Variants in TBPL1 observed in about 807,000 individuals in gnomAD.
TBPL1 encodes TATA box-binding protein-like 1.
Under a neutral mutation model 22.1 loss-of-function variants are expected in TBPL1, and 4 were observed. The ratio of observed to expected loss-of-function variants is 0.18; its 90% CI spans 0.09 to 0.41. The LOEUF is 0.41. Among genes scored for constraint, TBPL1 ranks in the 10% least tolerant of loss-of-function variants. The pLI is 1.00. For synonymous variants in TBPL1, 64 were observed against 71.0 expected (o/e 0.90, Z 0.50); for missense variants, 115 against 222.3 (o/e 0.52, Z 3.07).
intron 2 of TBPL1, among the ~76,000 whole-genome samples, 187 bp downstream of exon 2, chr6:133,980,447 G>C (rs1020398263): frequency 6.6e-6 from 1 of 152,126 alleles, no homozygotes; most frequent in East Asian, 1.9e-4. Context: ...TTTGTACATA[G>C]AGTGCTGGTA....
intron 1 of TBPL1, among the ~76,000 whole-genome samples, chr6:133,957,072 C>G (rs190793004): frequency 3.9e-5 from 6 of 152,200 alleles, no homozygotes; most frequent in African/African-American, 1.2e-4. Flanking sequence ...ATCAGAAATT[C>G]TACTTGTCTG....
chr6:133,961,414 A>G (rs929924323), intron 1 of TBPL1, among the ~76,000 whole-genome samples: 3 of 146,362 alleles, frequency 2.0e-5, no homozygotes, highest in African/African-American at 7.6e-5. Context: ...AGTGTTTCAT[A>G]TGGCTGGCTA....
Position 133,982,646 on chromosome 6 carries a change from A to G in TBPL1, c.214A>G (p.Thr72Ala). The G allele has an allele frequency of 6.2e-7, 1 of 1,612,958 alleles. No homozygotes were observed. The change falls in exon 3 of 7, where the codon ACA becomes GCA. Residue 72 changes from threonine (T) to alanine (A), a missense_variant. Transcript: ENST00000237264. Reference sequence around the variant, plus strand: ...AGGAAAAATTATTTGCACTGGAGCAACAAGGTAAATGCTACTTGGGTTTTT... The same window carrying G: ...AGGAAAAATTATTTGCACTGGAGCAGCAAGGTAAATGCTACTTGGGTTTTT... ...SSGKIICTGATSEEEAKFGAR... is the reference protein window; with the variant it reads ...SSGKIICTGAASEEEAKFGAR...
At chr6:133,979,653 G>GGTTT (rs1397462945) in intron 1 of TBPL1, among the ~76,000 whole-genome samples, 1 of 152,194 alleles carries the variant, frequency 6.6e-6, no homozygotes, top group African/African-American at 2.4e-5. Context: ...GACATGATTT[G>GGTTT]GTTTGTTTGT....
chr6:133,976,936 C>G (rs970687198), intron 1 of TBPL1, among the ~76,000 whole-genome samples: 1 of 150,560 alleles, frequency 6.6e-6, no homozygotes, highest in Non-Finnish European at 1.5e-5. Flanking sequence ...TCACAGCCCT[C>G]CAGCCTGGGC....
intron 1 of TBPL1, among the ~76,000 whole-genome samples, chr6:133,972,858 A>G (rs1776248495): frequency 6.6e-6 from 1 of 152,180 alleles, no homozygotes; most frequent in African/African-American, 2.4e-5. Flanking sequence ...GGATAATAAT[A>G]TTTAATCCTT....
At chr6:133,954,845 C>T (rs929707536) in intron 1 of TBPL1, among the ~76,000 whole-genome samples, 2 of 152,126 alleles carry the variant, frequency 1.3e-5, no homozygotes, top group African/African-American at 4.8e-5. Flanking sequence ...TGACCTATTA[C>T]TATGTGCCCT....
chr6:133,964,457 T>TG lies in TBPL1; in HGVS notation c.-45+11032_-45+11033insG, dbSNP rs952449372. 4.0e-4 allele frequency among the ~76,000 whole-genome samples: 58 copies of TG among 146,684 alleles called. 1 individual carries two copies. The highest frequency in any genetic ancestry group is 3.9e-3 in the South Asian group (18 of 4,656). The stretch of plus-strand genomic sequence containing the variant: ...TTTTGTTTTTTTGGGTTTTTTGGGT[T>TG]TTTTTTTTTTTGAGATGGAGTCTCA... On this transcript the variant is annotated intron_variant, in intron 1 of 6. Transcript: ENST00000237264.
At chr6:133,958,190 GGACTT>G (rs1775959396) in intron 1 of TBPL1, among the ~76,000 whole-genome samples, 1 of 152,132 alleles carries the variant, frequency 6.6e-6, no homozygotes, top group Admixed American at 6.6e-5. Context: ...ATTTCCCTGT[GGACTT>G]GACTTGTTTA....
chr6:133,986,709 A>G (rs571772671), intron 6 of TBPL1, among the ~76,000 whole-genome samples: 1 of 152,300 alleles, frequency 6.6e-6, no homozygotes, highest in South Asian at 2.1e-4. Flanking sequence ...AGTCCATGAT[A>G]GTTTGTATGC....
chr6:133,954,744 C>A (rs773551250), intron 1 of TBPL1, among the ~76,000 whole-genome samples: 1 of 152,168 alleles, frequency 6.6e-6, no homozygotes, highest in Non-Finnish European at 1.5e-5. Context: ...TTTTGTTAAA[C>A]CTGACTTCTC....
chr6:133,984,531 A>T, intron 5 of TBPL1, 46 bp from the exon 6 acceptor site: 1 of 1,608,880 alleles, frequency 6.2e-7, no homozygotes. Context: ...TGAAATTACT[A>T]GTCAGGGTAT....
chr6:133,971,250 C>A (rs1006175338), intron 1 of TBPL1, among the ~76,000 whole-genome samples: 1 of 152,048 alleles, frequency 6.6e-6, no homozygotes, highest in African/African-American at 2.4e-5. Flanking sequence ...GGTTCACTAA[C>A]GTCACAAATG....
In TBPL1 at chr6:133,976,708, G is replaced by A. The variant is rs115510727; in HGVS notation, c.-44-3374G>A. On this transcript the variant is annotated intron_variant, in intron 1 of 6. Transcript: ENST00000237264. ...CTTTGTAGAAACTGAGCTATTTGTC[G>A]GCCTGGCGCGGTGGCCCACACCTGT... Among the ~76,000 whole-genome samples, 493 of 152,140 alleles carry A rather than the reference G, an allele frequency of 3.2e-3. 3 individuals carry two copies. Among genetic ancestry groups the A allele is most frequent in the African/African-American group, 0.011 (466 of 41,522 alleles).
chr6:133,984,850 T>C (rs960415501), intron 6 of TBPL1, 179 bp downstream of exon 6: 1 of 554,008 alleles, frequency 1.8e-6, no homozygotes, highest in Non-Finnish European at 3.2e-6. Flanking sequence ...TATTTATAAA[T>C]GTTACACTTA....
Position 133,984,470 on chromosome 6 carries a change from C to T in TBPL1, c.377C>T (p.Pro126Leu). ...RLPEFTKNNRPHASYEPELHP... is the reference protein window; with the variant it reads ...RLPEFTKNNRLHASYEPELHP... ...CCAGAATTCACAAAGAACAATAGAC[C>T]TCATGCCAGGTAAGTCTTTGAAGCA... The change falls in exon 5 of 7, where the codon CCT (proline) becomes CTT (leucine). Residue 126 changes from proline to leucine, a missense_variant. Coordinates refer to ENST00000237264, the MANE Select transcript of TBPL1 (RefSeq NM_004865.4). The T allele has an allele frequency of 6.2e-7, 1 of 1,613,590 alleles. No homozygotes were observed. Among genetic ancestry groups the T allele is most frequent in the South Asian group, 1.1e-5 (1 of 91,040 alleles).
Position 133,968,703 on chromosome 6 carries a change from C to T in TBPL1, c.-44-11379C>T, listed in dbSNP as rs547799309. Among the ~76,000 whole-genome samples the T allele has an allele frequency of 7.2e-5, 11 of 152,196 alleles. No homozygotes were observed. The East Asian group carries it at 7.7e-4, about 11-fold the overall frequency. On this transcript the variant is annotated intron_variant, in intron 1 of 6. Transcript: ENST00000237264. ...GTTTTGTTTCTTTTGAGATGGAGTC[C>T]GCTCTCGCCCACGCTGGAGTGCAGT...
intron 1 of TBPL1, chr6:133,968,834 T>A (rs527356295): frequency 6.6e-6 from 1 of 152,256 alleles, no homozygotes; most frequent in Non-Finnish European, 1.5e-5. Context: ...CATGCCTGGC[T>A]AATTTTTGTA....
Position 133,988,673 on chromosome 6 carries a change from A to G in TBPL1, c.*1633A>G, listed in dbSNP as rs558967374. The G allele has an allele frequency of 6.6e-6, 1 of 151,162 alleles. No homozygotes were observed. The highest frequency in any genetic ancestry group is 1.5e-5 in the Non-Finnish European group (1 of 67,734). The allele number at this position is 151,162 out of a possible 1,614,324, so 9.4% of individuals were successfully genotyped here. Reference sequence around the variant, plus strand: ...AAGTGGAAAGCAAAGGCTAACTTACATTTTTCCTTCTTGTGAAATATTTCA... The same window carrying G: ...AAGTGGAAAGCAAAGGCTAACTTACGTTTTTCCTTCTTGTGAAATATTTCA... On this transcript the variant is annotated 3_prime_UTR_variant, in exon 7 of 7. Coordinates refer to ENST00000237264, the MANE Select transcript of TBPL1 (RefSeq NM_004865.4).
Sources: gnomAD v4.1 joint callset for allele counts (sites outside exome capture counted in the v4.1 genomes callset) on GRCh38, gnomAD v4.1.1 for gene constraint, MANE v1.5 for transcripts, NCBI Gene and HGNC (gene_info 2026-07-23, HGNC 2026-07-21) for gene names.